Variants in VRK1 observed in about 807,000 individuals in gnomAD.
The protein encoded by VRK1 is serine/threonine-protein kinase VRK1.
VRK1 carries 33 observed loss-of-function variants against 57.1 expected under a neutral mutation model. The observed-to-expected ratio is 0.58, with a 90% CI of 0.44 to 0.77. The LOEUF (loss-of-function observed/expected upper bound fraction) is 0.77, where lower values mean the gene tolerates loss of function less well. VRK1 is among the 30% of genes least tolerant of loss of function. VRK1 has a pLI of 0.00. For synonymous variants in VRK1, 137 were observed against 147.8 expected, an observed-to-expected ratio of 0.93 and a Z score of 0.53; for missense variants, 413 against 477.3, an observed-to-expected ratio of 0.87 and a Z score of 1.25.
chr14:96,808,037 G>C (rs1885976248), intron 1 of VRK1, among the ~76,000 whole-genome samples: 1 of 114,464 alleles, frequency 8.7e-6, no homozygotes, highest in Non-Finnish European at 1.9e-5. Context: ...GTGTGTGTGT[G>C]TGTGTGTGTG....
intron 1 of VRK1, among the ~76,000 whole-genome samples, chr14:96,809,955 TC>T (rs1165747357): frequency 6.6e-6 from 1 of 152,244 alleles, no homozygotes; most frequent in Non-Finnish European, 1.5e-5. Context: ...ATATGAAAGT[TC>T]CGGTTACTCT....
intron 11 of VRK1, among the ~76,000 whole-genome samples, chr14:96,869,743 G>C (rs1888739085): frequency 6.6e-6 from 1 of 152,094 alleles, no homozygotes; most frequent in South Asian, 2.1e-4. Flanking sequence ...ACATAAAGCA[G>C]AGGAGTCCTG....
intron 1 of VRK1, among the ~76,000 whole-genome samples, chr14:96,832,748 A>G (rs146880705): frequency 6.6e-6 from 1 of 150,962 alleles, no homozygotes; most frequent in Non-Finnish European, 1.5e-5. Context: ...TCTGGGTGTC[A>G]CCAGCCTTGC....
intron 3 of VRK1, among the ~76,000 whole-genome samples, chr14:96,839,819 A>G (rs529048589): frequency 1.9e-4 from 29 of 152,130 alleles, no homozygotes; most frequent in Non-Finnish European, 3.4e-4. Context: ...TAGTTTGCCT[A>G]TTCATTTTTT....
chr14:96,872,217 C>T (rs1030085482), intron 11 of VRK1, among the ~76,000 whole-genome samples: 1 of 152,176 alleles, frequency 6.6e-6, no homozygotes, highest in African/African-American at 2.4e-5. Flanking sequence ...TTATGTTTGA[C>T]CTTTCTCTGC....
chr14:96,847,451 C>G (rs1887753866), intron 5 of VRK1, 107 bp downstream of exon 5: 1 of 849,794 alleles, frequency 1.2e-6, no homozygotes, highest in African/African-American at 1.7e-5. Context: ...TACTAGGCCT[C>G]CCTCTGGAGT....
chr14:96,833,553 A>G lies in VRK1; in HGVS notation c.82A>G (p.Ile28Val), dbSNP rs1210199221. ...TGCAGAACAATTTGCAGTTGGAGAG[A>G]TAATAACTGACATGGCAAAAAAGGA... Reference protein sequence around the residue: ...HLAEQFAVGEIITDMAKKEWK... With the variant: ...HLAEQFAVGEVITDMAKKEWK... Residue 28 changes from isoleucine to valine, a missense_variant, in exon 2 of 13, where the codon ATA becomes GTA. Ile to Val is a conservative substitution (Grantham distance 29). Transcript: ENST00000216639. The G allele has an allele frequency of 5.0e-6, 8 of 1,613,752 alleles. No homozygotes were observed. Among genetic ancestry groups the G allele is most frequent in the Non-Finnish European group, 5.1e-6 (6 of 1,179,816 alleles).
At chr14:96,880,502 G>T (rs1227903118) in intron 12 of VRK1, among the ~76,000 whole-genome samples, 3 of 152,130 alleles carry the variant, frequency 2.0e-5, no homozygotes, top group Non-Finnish European at 4.4e-5. Context: ...AGTAGTAGGT[G>T]GGGTGAAATG....
chr14:96,829,984 C>T (rs568568530), intron 1 of VRK1, among the ~76,000 whole-genome samples: 17 of 152,154 alleles, frequency 1.1e-4, no homozygotes, highest in East Asian at 3.9e-4. Context: ...TCTTTATACT[C>T]GAAATTTAGC....
chr14:96,822,031 C>T (rs2079994125), intron 1 of VRK1, among the ~76,000 whole-genome samples: 1 of 150,666 alleles, frequency 6.6e-6, no homozygotes, highest in African/African-American at 2.4e-5. Context: ...CTTTACCAGA[C>T]CATCTTTTTA....
chr14:96,873,303 G>C (rs1392256267), intron 11 of VRK1, among the ~76,000 whole-genome samples: 1 of 152,138 alleles, frequency 6.6e-6, no homozygotes, highest in Non-Finnish European at 1.5e-5. Context: ...TAAATTATCA[G>C]TTCAAATGCA....
chr14:96,857,531 G>A (rs1285924661), intron 10 of VRK1, among the ~76,000 whole-genome samples: 3 of 152,140 alleles, frequency 2.0e-5, no homozygotes, highest in Non-Finnish European at 1.5e-5. Context: ...GTAGAAGAGT[G>A]ACATGAACTG....
At chr14:96,847,492 G>T in intron 5 of VRK1, 148 bp downstream of exon 5, 1 of 701,718 alleles carries the variant, frequency 1.4e-6, no homozygotes, top group Admixed American at 2.1e-5. Context: ...AGAGGAATAA[G>T]ATGTTATCTC....
rs548990291 is a variant in VRK1, at chr14:96,855,098, G to A, written c.577-126G>A. 7.6e-6 allele frequency: 10 copies of A among 1,322,306 alleles called. No homozygotes were observed. In the South Asian group the frequency reaches 1.1e-4, roughly 14 times the overall value. 81.9% of individuals were successfully genotyped at this position (1,322,306 alleles called of 1,614,324 possible). A position where few individuals can be genotyped will look rare whatever the true frequency, so the allele number is the denominator to read the frequency against. On this transcript the variant is annotated intron_variant, in intron 7 of 12. Coordinates refer to ENST00000216639, the MANE Select transcript of VRK1 (RefSeq NM_003384.3). ...TTGCATTTTGGATCTAAATTGTTTGGAGTGTTATGGAATGACCTTGTAGGT... is the reference window on the plus strand; with the variant it reads ...TTGCATTTTGGATCTAAATTGTTTGAAGTGTTATGGAATGACCTTGTAGGT...
intron 5 of VRK1, among the ~76,000 whole-genome samples, chr14:96,849,851 A>G (rs1022839926): frequency 6.6e-6 from 1 of 152,204 alleles, no homozygotes; most frequent in African/African-American, 2.4e-5. Context: ...CCATTTTATG[A>G]TAAAGTTCAG....
At chr14:96,838,881 TA>T (rs953656015) in intron 3 of VRK1, among the ~76,000 whole-genome samples, 1 of 151,344 alleles carries the variant, frequency 6.6e-6, no homozygotes, top group Non-Finnish European at 1.5e-5. Context: ...TAAACTTTTT[TA>T]AAAAAATTGA....
At position 96,876,079 on chromosome 14, in the gene VRK1, C is replaced by A. The variant is rs369917766; in HGVS notation, c.1118C>A (p.Thr373Lys). 1 of 1,613,490 alleles carries A rather than the reference C, an allele frequency of 6.2e-7. No individual in the cohort carries two copies. The change falls in exon 12 of 13, where the codon ACG becomes AAG. Residue 373 changes from threonine to lysine, a missense_variant. Physicochemically the swap from Thr to Lys is moderately conservative, Grantham distance 78. Coordinates refer to ENST00000216639, the MANE Select transcript of VRK1 (RefSeq NM_003384.3). ...EESKEPGVED[T>K]EWSNTQTEEA... ...AGCAAGGAACCTGGTGTTGAAGATA[C>A]GGAATGGTCAAACACACAGACAGAG...
At chr14:96,852,978 T>C (rs776320874) in intron 6 of VRK1, 39 bp downstream of exon 6, 2 of 1,609,748 alleles carry the variant, frequency 1.2e-6, no homozygotes, top group East Asian at 4.5e-5. Context: ...AAAAAATTGT[T>C]TTGAGTACAG....
intron 1 of VRK1, among the ~76,000 whole-genome samples, chr14:96,818,716 C>T (rs1371841394): frequency 6.6e-6 from 1 of 151,922 alleles, no homozygotes; most frequent in Admixed American, 6.6e-5. Flanking sequence ...CTGAGTGAAA[C>T]CTGGGGACAG....
Sources: gnomAD v4.1 joint callset for allele counts (sites outside exome capture counted in the v4.1 genomes callset) on GRCh38, gnomAD v4.1.1 for gene constraint, MANE v1.5 for transcripts, NCBI Gene and HGNC (gene_info 2026-07-23, HGNC 2026-07-21) for gene names.